OPA3: variants seen among roughly 807,000 people sequenced by gnomAD.
The protein encoded by OPA3 is outer mitochondrial membrane lipid metabolism regulator OPA3.
In OPA3, 6 loss-of-function variants were observed where a neutral mutation model predicts 4.0. The observed-to-expected ratio is 1.51, with a 90% CI of 0.83 to 2.99. The LOEUF (loss-of-function observed/expected upper bound fraction) is 2.99. OPA3 is among the 30% of genes most tolerant of loss of function. The probability of loss-of-function intolerance (pLI) is 0.00; values close to 1 mark genes in which losing one functional copy is unlikely to be tolerated. For missense variants in OPA3, 235 were observed against 256.2 expected (o/e 0.92, Z 0.56); for synonymous variants, 105 against 117.1 (o/e 0.90, Z 0.67).
intron 1 of OPA3, among the ~76,000 whole-genome samples, chr19:45,534,377 C>G (rs960178302): frequency 6.6e-6 from 1 of 151,888 alleles, no homozygotes; most frequent in African/African-American, 2.4e-5. Context: ...GCCTGGCCAA[C>G]CTAATTAAAC....
At chr19:45,534,586 A>G (rs117520038) in intron 1 of OPA3, among the ~76,000 whole-genome samples, 6,562 of 138,916 alleles carry the variant, frequency 0.047, 323 homozygotes, top group East Asian at 0.21. Context: ...AAAAAAGTCA[A>G]GTAAAGAAAA....
intron 1 of OPA3, among the ~76,000 whole-genome samples, chr19:45,582,980 G>C (rs916303799): frequency 3.9e-5 from 6 of 152,160 alleles, no homozygotes; most frequent in Non-Finnish European, 7.4e-5. Flanking sequence ...TTCAGCCTTT[G>C]CCCAGGAATG....
At chr19:45,545,125 A>G (rs1282851481), downstream of OPA3, among the ~76,000 whole-genome samples, 1 of 146,738 alleles carries the variant, frequency 6.8e-6, no homozygotes, top group Non-Finnish European at 1.5e-5. Flanking sequence ...AAATGGCGCC[A>G]CTGCACTCCA....
downstream of OPA3, among the ~76,000 whole-genome samples, chr19:45,543,469 C>T (rs554787094): frequency 9.5e-4 from 144 of 151,934 alleles, no homozygotes; most frequent in South Asian, 5.6e-3. Context: ...TACAGGCACA[C>T]GCCACCACGC....
At chr19:45,558,975 C>G (rs927365137) in intron 1 of OPA3, among the ~76,000 whole-genome samples, 1 of 152,072 alleles carries the variant, frequency 6.6e-6, no homozygotes, top group Admixed American at 6.6e-5. Context: ...CCTCTGCCTC[C>G]CGGGTTCGAG....
chr19:45,528,952 G>A, exon 2 of OPA3: 1 of 1,381,746 alleles, frequency 7.2e-7, no homozygotes, highest in Non-Finnish European at 9.8e-7. Context: ...ACTGGGTGGT[G>A]TCAGCTGGGC....
chr19:45,576,228 A>G (rs1322403582), intron 1 of OPA3, among the ~76,000 whole-genome samples: 1 of 151,028 alleles, frequency 6.6e-6, no homozygotes, highest in African/African-American at 2.4e-5. Flanking sequence ...CTCTCAAAAA[A>G]CAAAACAAAA....
intron 1 of OPA3, among the ~76,000 whole-genome samples, chr19:45,556,242 C>T (rs1487941876): frequency 2.0e-5 from 3 of 152,240 alleles, no homozygotes; most frequent in South Asian, 2.1e-4. Flanking sequence ...CTCCCAGGCT[C>T]GAGTCATCTT....
intron 1 of OPA3, among the ~76,000 whole-genome samples, chr19:45,572,506 T>G (rs1300940265): frequency 8.7e-6 from 1 of 115,502 alleles, no homozygotes; most frequent in Non-Finnish European, 1.9e-5. Flanking sequence ...ATGAGATATA[T>G]ATCATATATG....
intron 1 of OPA3, among the ~76,000 whole-genome samples, chr19:45,534,710 A>G (rs1035388342): frequency 5.3e-5 from 8 of 150,816 alleles, no homozygotes; most frequent in Non-Finnish European, 8.9e-5. Flanking sequence ...TCAGCTCACC[A>G]CAACCTCCGC....
chr19:45,537,391 T>C (rs1425035808), intron 1 of OPA3, among the ~76,000 whole-genome samples: 1 of 50,958 alleles, frequency 2.0e-5, no homozygotes, highest in Non-Finnish European at 3.1e-5. Flanking sequence ...AGCAAGACTC[T>C]GTCTCAAAAA....
chr19:45,556,899 C>G (rs1969428808), intron 1 of OPA3, among the ~76,000 whole-genome samples: 1 of 152,176 alleles, frequency 6.6e-6, no homozygotes, highest in Non-Finnish European at 1.5e-5. Context: ...ATCTGGGGTC[C>G]CCCCGGGGCT....
At chr19:45,559,573 TG>T (rs1236320309) in intron 1 of OPA3, among the ~76,000 whole-genome samples, 5 of 151,740 alleles carry the variant, frequency 3.3e-5, no homozygotes, top group Admixed American at 6.6e-5. Flanking sequence ...GGCTAATTTT[TG>T]TATATTTTGG....
At chr19:45,576,795 G>C (rs1370223180) in intron 1 of OPA3, among the ~76,000 whole-genome samples, 1 of 152,070 alleles carries the variant, frequency 6.6e-6, no homozygotes. Context: ...ACACTGACCT[G>C]ACCTGCATAA....
At chr19:45,554,887 T>C (rs1969397653) in intron 1 of OPA3, among the ~76,000 whole-genome samples, 3 of 152,006 alleles carry the variant, frequency 2.0e-5, no homozygotes, top group African/African-American at 7.2e-5. Context: ...TCCTCCCAGG[T>C]TCAAGCAATT....
At chr19:45,544,485 C>A (rs1401281837), downstream of OPA3, among the ~76,000 whole-genome samples, 1 of 151,778 alleles carries the variant, frequency 6.6e-6, no homozygotes, top group Non-Finnish European at 1.5e-5. Context: ...CACGATGAAA[C>A]CCCGTCTCTA....
In OPA3 at chr19:45,550,576, T is replaced by A; in HGVS notation, c.*2938A>T. 1.0e-6 allele frequency: 1 copy of A among 986,236 alleles called. No individual in the cohort carries two copies. Among genetic ancestry groups the A allele is most frequent in the Middle Eastern group, 5.2e-4 (1 of 1,922 alleles). The allele number at this position is 986,236 out of a possible 1,614,324, so 61.1% of individuals were successfully genotyped here. ...CTCTGCCCCTACTACTTCACCACCCTGGGCAGTCAGCCCCTCACTGGCTGT... is the reference window on the plus strand; with the variant it reads ...CTCTGCCCCTACTACTTCACCACCCAGGGCAGTCAGCCCCTCACTGGCTGT... On this transcript the variant is annotated 3_prime_UTR_variant, in exon 2 of 2. Transcript: ENST00000263275.
intron 1 of OPA3, among the ~76,000 whole-genome samples, chr19:45,571,859 A>T (rs80107348): frequency 0.033 from 5,004 of 152,130 alleles, 169 homozygotes; most frequent in African/African-American, 0.083. Flanking sequence ...TAGCCCTTCT[A>T]TTGAGAGCTG....
intron 1 of OPA3, among the ~76,000 whole-genome samples, chr19:45,538,914 T>C (rs189104197): frequency 1.2e-4 from 18 of 152,206 alleles, no homozygotes; most frequent in Admixed American, 8.5e-4. Flanking sequence ...GAATGGGTAA[T>C]TATAAAGGAA....
Sources: gnomAD v4.1 joint callset for allele counts (sites outside exome capture counted in the v4.1 genomes callset) on GRCh38, gnomAD v4.1.1 for gene constraint, MANE v1.5 for transcripts, NCBI Gene and HGNC (gene_info 2026-07-23, HGNC 2026-07-21) for gene names.